STRA6: variants seen among roughly 807,000 people sequenced by gnomAD.
The protein encoded by STRA6 is signaling receptor and transporter of retinol STRA6.
A neutral mutation model predicts 83.6 loss-of-function variants in STRA6; 48 were observed. The ratio of observed to expected loss-of-function variants is 0.57; its 90% confidence interval spans 0.46 to 0.73. The LOEUF is 0.73. Ranked by LOEUF, STRA6 falls within the 30% of genes least tolerant of loss-of-function variation. The pLI, the probability that STRA6 is intolerant of heterozygous loss-of-function variation, is 0.00. For missense variants in STRA6, 760 were observed against 838.8 expected (o/e 0.91, Z 1.16); for synonymous variants, 353 against 362.3 (o/e 0.97, Z 0.29).
At chr15:74,181,150 C>A in intron 17 of STRA6, 145 bp downstream of exon 17, 1 of 1,384,276 alleles carries the variant, frequency 7.2e-7, no homozygotes, top group Non-Finnish European at 9.9e-7. Context: ...CCACAGGAGG[C>A]ACAGCGCAGG....
chr15:74,199,317 T>C (rs537168972), intron 2 of STRA6, among the ~76,000 whole-genome samples: 1 of 152,282 alleles, frequency 6.6e-6, no homozygotes, highest in South Asian at 2.1e-4. Flanking sequence ...AGTCACTTGG[T>C]GGAGAGGCAG....
At chr15:74,184,134 A>G (rs1247603494) in intron 13 of STRA6, 145 bp from the exon 14 acceptor site, 1 of 1,184,306 alleles carries the variant, frequency 8.4e-7, no homozygotes, top group African/African-American at 1.5e-5. Context: ...GGGAGCCAGG[A>G]GGAGGCCACT....
At position 74,179,981 on chromosome 15, in the gene STRA6, G is replaced by T; in HGVS notation, c.*99C>A. On this transcript the variant is annotated 3_prime_UTR_variant, in exon 19 of 19. Coordinates refer to ENST00000395105, the MANE Select transcript of STRA6 (RefSeq NM_022369.4). ...GATCCGGAGGACCTGCTGGCTGCAT[G>T]GCTGGTGTGATGCTGGGAGGAGAGC... The T allele has an allele frequency of 6.7e-7, 1 of 1,501,886 alleles. No homozygotes were observed. Among genetic ancestry groups the T allele is most frequent in the Non-Finnish European group, 9.1e-7 (1 of 1,096,094 alleles). The allele number at this position is 1,501,886 out of a possible 1,614,324, so 93.0% of individuals were successfully genotyped here. A position where few individuals can be genotyped will look rare whatever the true frequency, so the allele number is the denominator to read the frequency against.
At chr15:74,184,386 G>C (rs764429406) in intron 13 of STRA6, among the ~76,000 whole-genome samples, 9 of 152,208 alleles carry the variant, frequency 5.9e-5, no homozygotes, top group Non-Finnish European at 7.3e-5. Context: ...AGAGCTCTGA[G>C]ACCTGGCAAG....
At chr15:74,181,069 G>A (rs760118163) in intron 17 of STRA6, 132 bp from the exon 18 acceptor site, 46 of 1,414,644 alleles carry the variant, frequency 3.3e-5, no homozygotes, top group Non-Finnish European at 4.0e-5. Flanking sequence ...CACCAAGCAC[G>A]TGGCACATTG....
intron 7 of STRA6, chr15:74,194,270 C>G: frequency 1.0e-6 from 1 of 998,472 alleles, no homozygotes; most frequent in South Asian, 1.9e-5. Flanking sequence ...GAAAATCACA[C>G]GAAAGCCTGC....
Position 74,180,911 on chromosome 15 carries a change from T to C in STRA6, c.1711A>G (p.Lys571Glu). Residue 571 changes from lysine to glutamate, a missense_variant, in exon 18 of 19, where the codon AAG (lysine) becomes GAG (glutamate). By Grantham distance (56) the Lys-to-Glu change is moderately conservative (BLOSUM62 1). Transcript: ENST00000395105. ...PGYYTYRNFL[K>E]IEVSQSHPAM... Reference sequence around the variant, plus strand: ...GGATGCGACTGGCTGACTTCAATCTTCAAGAAGTTTCGGTACGTGTAGTAG... The same window carrying C: ...GGATGCGACTGGCTGACTTCAATCTCCAAGAAGTTTCGGTACGTGTAGTAG... 1.2e-6 allele frequency: 2 copies of C among 1,613,894 alleles called. No homozygotes were observed. Among genetic ancestry groups the C allele is most frequent in the South Asian group, 2.2e-5 (2 of 91,066 alleles).
At chr15:74,190,815 T>A (rs1031154485) in intron 11 of STRA6, 25 bp downstream of exon 11, 5 of 1,613,966 alleles carry the variant, frequency 3.1e-6, no homozygotes, top group Non-Finnish European at 3.4e-6. Context: ...CAGAGGCAGA[T>A]GGCAGTACAG....
At chr15:74,195,528 G>A in intron 6 of STRA6, 60 bp from the exon 7 acceptor site, 1 of 1,598,280 alleles carries the variant, frequency 6.3e-7, no homozygotes, top group Non-Finnish European at 8.5e-7. Context: ...GGCCTGCAGT[G>A]AGCCCACCCA....
chr15:74,202,761 C>T lies in STRA6; in HGVS notation c.-64G>A, dbSNP rs1432124171. On this transcript the variant is annotated 5_prime_UTR_variant, in exon 1 of 19. Transcript: ENST00000395105. Reference sequence around the variant, plus strand: ...GGAGTTGCAGAGATGAAAGGGTAGGCAGCCCACGGCCAGCTCCGCACTGCC... The same window carrying T: ...GGAGTTGCAGAGATGAAAGGGTAGGTAGCCCACGGCCAGCTCCGCACTGCC... 4.2e-6 allele frequency: 5 copies of T among 1,201,848 alleles called. No homozygotes were observed. The South Asian group carries it at 1.8e-4, about 43-fold the overall frequency. 74.4% of individuals were successfully genotyped at this position (1,201,848 alleles called of 1,614,324 possible). A position where few individuals can be genotyped will look rare whatever the true frequency, so the allele number is the denominator to read the frequency against.
chr15:74,185,055 A>C lies in STRA6; in HGVS notation c.1091T>G (p.Val364Gly). 1 of 1,613,848 alleles carries C rather than the reference A, an allele frequency of 6.2e-7. No individual in the cohort carries two copies. Among genetic ancestry groups the C allele is most frequent in the Non-Finnish European group, 8.5e-7 (1 of 1,179,882 alleles). ...LVKHHLWALE[V>G]CYISALVLSC... Reference sequence around the variant, plus strand: ...CAAGACCAAGGCTGAGATGTAGCACACTGGTGGGCAGAGAATGAGCAAAGT... The same window carrying C: ...CAAGACCAAGGCTGAGATGTAGCACCCTGGTGGGCAGAGAATGAGCAAAGT... Residue 364 changes from valine to glycine, a missense_variant and splice_region_variant, in exon 13 of 19, where the codon GTG becomes GGG. Coordinates refer to ENST00000395105, the MANE Select transcript of STRA6 (RefSeq NM_022369.4).
chr15:74,199,513 C>T (rs1030848431), intron 2 of STRA6, among the ~76,000 whole-genome samples: 4 of 152,192 alleles, frequency 2.6e-5, no homozygotes, highest in Non-Finnish European at 4.4e-5. Flanking sequence ...GACTAGGTCC[C>T]GCTCCACCTT....
Position 74,181,050 on chromosome 15 carries a change from A to T in STRA6, c.1685-113T>A, listed in dbSNP as rs112051934. 2,130 of 1,479,848 alleles carry T rather than the reference A, an allele frequency of 1.4e-3. 23 individuals carry two copies. In the African/African-American group the frequency reaches 0.021, roughly 15 times the overall value. The allele number at this position is 1,479,848 out of a possible 1,614,324, so 91.7% of individuals were successfully genotyped here. On this transcript the variant is annotated intron_variant, in intron 17 of 18. Transcript: ENST00000395105. ...GCACGTGCACTCCCTGCATCCAAGC[A>T]TGTCGACACACCAAGCACGTGGCAC... is the stretch of plus-strand genomic sequence containing the variant.
rs766499796 is a variant in STRA6 at position 74,195,319 on chromosome 15, ACT to A, written c.578_579del (p.Glu193ValfsTer41). 6.8e-5 allele frequency: 110 copies of A among 1,612,566 alleles called. No homozygotes were observed. The highest frequency in any genetic ancestry group is 9.1e-5 in the Non-Finnish European group (107 of 1,179,902). The part of the protein sequence containing the change: ...HLGVQVWQRA[E>X]CPQVPKIYKY... The stretch of plus-strand genomic sequence containing the variant: ...GCGGTTACCTTGGGCACCTGGGGAC[ACT>A]CTGCCCTCTGCCAGACCTGGACCCC... On this transcript the variant is annotated frameshift_variant, in exon 7 of 19. Transcript: ENST00000395105. LOFTEE classifies it high-confidence loss of function.
At chr15:74,203,951 C>T (rs1047477866), upstream of STRA6, among the ~76,000 whole-genome samples, 1 of 152,116 alleles carries the variant, frequency 6.6e-6, no homozygotes. Context: ...GGAAACAGCA[C>T]GGGTGAAGTC....
upstream of STRA6, chr15:74,203,034 G>T: frequency 1.0e-6 from 1 of 985,730 alleles, no homozygotes. Flanking sequence ...GAGCTCCCAA[G>T]CCCCTGCCCG....
At chr15:74,197,202 A>C (rs1367323660) in intron 4 of STRA6, 136 bp downstream of exon 4, 2 of 657,664 alleles carry the variant, frequency 3.0e-6, no homozygotes, top group Non-Finnish European at 5.3e-6. Flanking sequence ...GGGTGAGGAA[A>C]GCTCCAGGCT....
chr15:74,192,445 G>A (rs1035223223), intron 8 of STRA6, among the ~76,000 whole-genome samples: 1 of 152,170 alleles, frequency 6.6e-6, no homozygotes, highest in South Asian at 2.1e-4. Flanking sequence ...GGCCTTCTCG[G>A]ACCAGAGTAG....
At chr15:74,181,088 G>T in intron 17 of STRA6, 151 bp from the exon 18 acceptor site, 1 of 1,356,858 alleles carries the variant, frequency 7.4e-7, no homozygotes, top group Non-Finnish European at 1.0e-6. Flanking sequence ...TGGCTGCATG[G>T]GCACGTGTGG....
Sources: allele counts gnomAD v4.1 joint callset (sites outside exome capture counted in the v4.1 genomes callset), GRCh38; gene constraint gnomAD v4.1.1; transcripts MANE v1.5; gene names NCBI Gene and HGNC (gene_info 2026-07-23, HGNC 2026-07-21).